Variants in NBEAL1 observed in about 807,000 individuals in gnomAD.
NBEAL1 encodes the protein neurobeachin-like protein 1.
Under a neutral mutation model 351.3 loss-of-function variants are expected in NBEAL1, and 273 were observed. The ratio of observed to expected loss-of-function variants is 0.78; its 90% CI spans 0.70 to 0.86. The LOEUF (loss-of-function observed/expected upper bound fraction) is 0.86. Among genes scored for constraint, NBEAL1 ranks in the 40% least tolerant of loss-of-function variants. The probability of loss-of-function intolerance (pLI) is 0.00; values close to 1 mark genes in which losing one functional copy is unlikely to be tolerated. For synonymous variants in NBEAL1, 1,050 were observed against 1,086.4 expected, an observed-to-expected ratio of 0.97 and a Z score of 0.66; for missense variants, 2,961 against 3,201.3, an observed-to-expected ratio of 0.92 and a Z score of 1.81.
intron 48 of NBEAL1, among the ~76,000 whole-genome samples, chr2:203,197,897 G>C (rs775161566): frequency 6.6e-6 from 1 of 151,746 alleles, no homozygotes; most frequent in Non-Finnish European, 1.5e-5. Context: ...TGACAAGAGC[G>C]AGACTCCTTC....
intron 8 of NBEAL1, among the ~76,000 whole-genome samples, chr2:203,079,658 A>C (rs2061838143): frequency 1.3e-5 from 2 of 152,116 alleles, no homozygotes; most frequent in South Asian, 4.1e-4. Flanking sequence ...GTTGTACCAA[A>C]TTACATATTT....
intron 18 of NBEAL1, 21 bp from the exon 19 acceptor site, chr2:203,122,233 A>G (rs2062848717): frequency 7.9e-6 from 11 of 1,387,362 alleles, no homozygotes; most frequent in Non-Finnish European, 1.1e-5. Flanking sequence ...GTTGTTTGCC[A>G]TATTTTTCTT....
At chr2:203,029,743 C>T (rs942582671) in intron 2 of NBEAL1, among the ~76,000 whole-genome samples, 4 of 151,700 alleles carry the variant, frequency 2.6e-5, no homozygotes, top group African/African-American at 9.7e-5. Flanking sequence ...AATTTGAAAC[C>T]TTTCTCACTA....
chr2:203,167,851 C>T (rs2064184170), intron 38 of NBEAL1, among the ~76,000 whole-genome samples: 1 of 152,174 alleles, frequency 6.6e-6, no homozygotes, highest in Non-Finnish European at 1.5e-5. Context: ...CCTCCCCTCT[C>T]TCATTCACTT....
At chr2:203,016,459 T>C (rs1311611946) in intron 2 of NBEAL1, 24 bp downstream of exon 2, 1 of 1,392,962 alleles carries the variant, frequency 7.2e-7, no homozygotes, top group Admixed American at 2.3e-5. Context: ...TTTTTATTTT[T>C]ATGTTTTAAA....
intron 44 of NBEAL1, among the ~76,000 whole-genome samples, chr2:203,187,148 G>A (rs771443511): frequency 1.9e-4 from 29 of 152,056 alleles, no homozygotes; most frequent in Non-Finnish European, 2.9e-4. Context: ...CACTGCAGCC[G>A]TGTCCTCCTG....
intron 10 of NBEAL1, among the ~76,000 whole-genome samples, chr2:203,094,056 A>C (rs1484530897): frequency 2.0e-5 from 3 of 152,200 alleles, no homozygotes; most frequent in African/African-American, 7.2e-5. Context: ...CAAATAAGGA[A>C]AAATGTCCTA....
intron 8 of NBEAL1, among the ~76,000 whole-genome samples, chr2:203,081,457 CATAAT>C (rs1553605701): frequency 1.3e-5 from 2 of 152,088 alleles, no homozygotes; most frequent in African/African-American, 2.4e-5. Flanking sequence ...GACTAAATGA[CATAAT>C]ATATGTACAG....
chr2:203,037,774 T>C (rs2061063152), intron 2 of NBEAL1, among the ~76,000 whole-genome samples: 1 of 148,624 alleles, frequency 6.7e-6, no homozygotes, highest in South Asian at 2.1e-4. Context: ...TTTGAGACCG[T>C]AACAAGACCC....
Position 203,056,519 on chromosome 2 carries a change from A to G in NBEAL1, c.387+11A>G, listed in dbSNP as rs2061405064. 2 of 1,468,460 alleles carry G rather than the reference A, an allele frequency of 1.4e-6. No individual in the cohort carries two copies. Among genetic ancestry groups the G allele is most frequent in the Non-Finnish European group, 1.9e-6 (2 of 1,070,968 alleles). 91.0% of individuals were successfully genotyped at this position (1,468,460 alleles called of 1,614,324 possible). On this transcript the variant is annotated intron_variant, in intron 5 of 55. Coordinates refer to ENST00000683969, the MANE Select transcript of NBEAL1 (RefSeq NM_001378026.1). ...CTCTATATTCAGCAAGTAGGTGTGA[A>G]CTAATCTTTTTTGTCACTTTACTGA...
At chr2:203,169,452 G>A (rs1051973656) in intron 38 of NBEAL1, among the ~76,000 whole-genome samples, 1 of 146,254 alleles carries the variant, frequency 6.8e-6, no homozygotes, top group African/African-American at 2.5e-5. Context: ...TGTAATCCCA[G>A]CACTTTGAGA....
At chr2:203,110,674 A>AAAATAAACAAAT (rs1553610988) in intron 15 of NBEAL1, among the ~76,000 whole-genome samples, 3 of 130,880 alleles carry the variant, frequency 2.3e-5, no homozygotes, top group African/African-American at 5.7e-5. Context: ...ATCCTGTCTC[A>AAAATAAACAAAT]AAATAAATAA....
At chr2:203,210,079 G>T (rs1471241137) in intron 53 of NBEAL1, among the ~76,000 whole-genome samples, 2 of 152,056 alleles carry the variant, frequency 1.3e-5, no homozygotes, top group Non-Finnish European at 2.9e-5. Flanking sequence ...AGAGTTTTGG[G>T]GGGCCGCGAG....
intron 47 of NBEAL1, 152 bp downstream of exon 47, chr2:203,194,063 A>T (rs985246054): frequency 2.7e-5 from 12 of 437,688 alleles, no homozygotes; most frequent in Middle Eastern, 6.0e-4. Flanking sequence ...TTTTTAAAAC[A>T]TTTTTATTGG....
intron 35 of NBEAL1, 36 bp from the exon 36 acceptor site, chr2:203,157,663 A>T (rs747780413): frequency 6.7e-7 from 1 of 1,496,810 alleles, no homozygotes; most frequent in Admixed American, 2.3e-5. Flanking sequence ...ATTGTTTTTT[A>T]CTTTATGTTT....
intron 37 of NBEAL1, 92 bp downstream of exon 37, chr2:203,166,389 T>C (rs2064132609): frequency 1.7e-6 from 2 of 1,206,326 alleles, no homozygotes; most frequent in East Asian, 2.7e-5. Context: ...CAGTAAGATA[T>C]AACTATCATG....
Position 203,133,079 on chromosome 2 carries a change from A to G in NBEAL1, c.3746A>G (p.Asp1249Gly), listed in dbSNP as rs2063110030. The G allele has an allele frequency of 1.3e-6, 2 of 1,498,264 alleles. No individual in the cohort carries two copies. The highest frequency in any genetic ancestry group is 9.0e-7 in the Non-Finnish European group (1 of 1,109,528). The allele number at this position is 1,498,264 out of a possible 1,614,324, so 92.8% of individuals were successfully genotyped here. A position where few individuals can be genotyped will look rare whatever the true frequency, so the allele number is the denominator to read the frequency against. Residue 1249 changes from aspartate (D) to glycine (G), a missense_variant, in exon 27 of 56, where the codon GAT becomes GGT. By Grantham distance (94) the Asp-to-Gly change is moderately conservative. Transcript: ENST00000683969. ...INTDPVINFKDLLSVVYISHR... is the reference protein window; with the variant it reads ...INTDPVINFKGLLSVVYISHR... ...ATAGATCCTGTTATTAATTTCAAAGATCTACTATCTGTGGTATATATATCT... is the reference window on the plus strand; with the variant it reads ...ATAGATCCTGTTATTAATTTCAAAGGTCTACTATCTGTGGTATATATATCT...
intron 1 of NBEAL1, 63 bp from the exon 2 acceptor site, chr2:203,016,093 A>G: frequency 7.9e-6 from 2 of 253,358 alleles, no homozygotes; most frequent in Non-Finnish European, 1.5e-5. Flanking sequence ...TTAGTTTTTG[A>G]TAAGTCTAGA....
At chr2:203,127,580 G>A (rs556326326) in intron 23 of NBEAL1, among the ~76,000 whole-genome samples, 49 of 152,196 alleles carry the variant, frequency 3.2e-4, no homozygotes, top group African/African-American at 1.1e-3. Flanking sequence ...AAATTAGCTG[G>A]GCGTGGTGGC....
Sources: gnomAD v4.1 joint callset for allele counts (sites outside exome capture counted in the v4.1 genomes callset) on GRCh38, gnomAD v4.1.1 for gene constraint, MANE v1.5 for transcripts, NCBI Gene and HGNC (gene_info 2026-07-23, HGNC 2026-07-21) for gene names.